The following SEMA3D variants were observed in gnomAD, a reference collection of about 807,000 sequenced individuals.
SEMA3D encodes semaphorin-3D.
A neutral mutation model predicts 100.1 loss-of-function variants in SEMA3D; 84 were observed. That is an observed-to-expected ratio of 0.84 (90% confidence interval 0.70 to 1.01). The LOEUF is 1.01. Among genes scored for constraint, SEMA3D ranks in the 50% least tolerant of loss-of-function variants. The pLI is 0.00. For synonymous variants in SEMA3D, 312 were observed against 320.7 expected, an observed-to-expected ratio of 0.97 and a Z score of 0.29; for missense variants, 875 against 934.1, an observed-to-expected ratio of 0.94 and a Z score of 0.82.
chr7:85,045,339 G>A (rs1406329287), intron 9 of SEMA3D, among the ~76,000 whole-genome samples: 8 of 151,994 alleles, frequency 5.3e-5, no homozygotes, highest in Admixed American at 5.3e-4. Context: ...GTGTCTGTAT[G>A]TTATTAAGTG....
the SEMA3D span, among the ~76,000 whole-genome samples, chr7:85,224,075 AG>A: frequency 5.3e-5 from 8 of 152,276 alleles, no homozygotes; most frequent in African/African-American, 1.9e-4. Context: ...AAATTATTTA[AG>A]GGTCAACAGT....
chr7:85,016,033 T>G (rs1790090692), intron 15 of SEMA3D, among the ~76,000 whole-genome samples: 1 of 151,704 alleles, frequency 6.6e-6, no homozygotes, highest in Non-Finnish European at 1.5e-5. Context: ...AATAACATAG[T>G]ACTCAACTTA....
chr7:85,072,793 G>A (rs1470217094), intron 6 of SEMA3D, among the ~76,000 whole-genome samples, 169 bp downstream of exon 6: 3 of 152,004 alleles, frequency 2.0e-5, no homozygotes, highest in South Asian at 2.1e-4. Flanking sequence ...TTGGCTCAAG[G>A]GACCCTCTGA....
chr7:85,199,311 T>C, the SEMA3D span, among the ~76,000 whole-genome samples: 100 of 136,494 alleles, frequency 7.3e-4, no homozygotes, highest in African/African-American at 2.5e-3. Context: ...TCTTTAACAT[T>C]ATCGTTATTA....
At chr7:85,242,314 A>G in the SEMA3D span, among the ~76,000 whole-genome samples, 1 of 152,128 alleles carries the variant, frequency 6.6e-6, no homozygotes, top group Non-Finnish European at 1.5e-5. Context: ...AGTGCTATAA[A>G]TTGTACTCTC....
rs552845890 is a variant in SEMA3D, at chr7:85,186,331, A to G, written c.-173+347T>C. On this transcript the variant is annotated intron_variant, in intron 1 of 18. Transcript: ENST00000284136. ...AGGAGGGGTGGTGGGGGAACCAGGAAGCCAGGGAGAGAGCAAAGTTCCTGG... is the reference window on the plus strand; with the variant it reads ...AGGAGGGGTGGTGGGGGAACCAGGAGGCCAGGGAGAGAGCAAAGTTCCTGG... Among the ~76,000 whole-genome samples the G allele has an allele frequency of 2.0e-5, 3 of 152,262 alleles. No individual in the cohort carries two copies. The East Asian group carries it at 5.8e-4, about 30-fold the overall frequency.
At chr7:85,213,840 T>C in the SEMA3D span, among the ~76,000 whole-genome samples, 1 of 152,196 alleles carries the variant, frequency 6.6e-6, no homozygotes, top group Non-Finnish European at 1.5e-5. Flanking sequence ...TGTGCATTAT[T>C]ATGCTAAATT....
intron 9 of SEMA3D, among the ~76,000 whole-genome samples, chr7:85,044,595 G>T (rs768691501): frequency 6.6e-5 from 10 of 152,042 alleles, no homozygotes; most frequent in Non-Finnish European, 1.3e-4. Context: ...TTTGCACTAT[G>T]TCTCACTGTT....
At chr7:85,105,179 T>C (rs750817475) in intron 3 of SEMA3D, among the ~76,000 whole-genome samples, 2 of 152,088 alleles carry the variant, frequency 1.3e-5, no homozygotes, top group Non-Finnish European at 2.9e-5. Flanking sequence ...TTTCTATTTC[T>C]GCCTTCCCCC....
At chr7:85,007,029 G>A in intron 17 of SEMA3D, 88 bp from the exon 18 acceptor site, 2 of 951,584 alleles carry the variant, frequency 2.1e-6, no homozygotes, top group East Asian at 2.6e-5. Flanking sequence ...AGATGCCATG[G>A]GGAAAGAATC....
chr7:85,184,587 C>A (rs757080027), intron 1 of SEMA3D, among the ~76,000 whole-genome samples: 4 of 152,046 alleles, frequency 2.6e-5, no homozygotes, highest in Non-Finnish European at 5.9e-5. Flanking sequence ...AAGTTCACAG[C>A]ACCTGAAACA....
chr7:85,075,668 G>A (rs1791902224), intron 5 of SEMA3D, among the ~76,000 whole-genome samples: 1 of 152,164 alleles, frequency 6.6e-6, no homozygotes, highest in South Asian at 2.1e-4. Context: ...TGTCAGTTGT[G>A]CTCAGTCAAA....
the SEMA3D span, among the ~76,000 whole-genome samples, chr7:85,245,705 T>G: frequency 1.3e-5 from 2 of 152,132 alleles, no homozygotes; most frequent in African/African-American, 4.8e-5. Context: ...ACATAGCATT[T>G]TTTTTCTTTC....
At chr7:85,037,271 G>A (rs965766544) in intron 11 of SEMA3D, among the ~76,000 whole-genome samples, 5 of 152,126 alleles carry the variant, frequency 3.3e-5, no homozygotes, top group Non-Finnish European at 7.4e-5. Context: ...ACATGCATGG[G>A]TACCCAGTAT....
At chr7:85,041,042 C>A (rs1584543920) in intron 10 of SEMA3D, 1 of 179,702 alleles carries the variant, frequency 5.6e-6, no homozygotes, top group East Asian at 1.6e-4. Flanking sequence ...ATAATTGTGT[C>A]AACTTAGTAA....
chr7:85,037,200 G>A (rs1790724692), intron 11 of SEMA3D, among the ~76,000 whole-genome samples, 167 bp from the exon 12 acceptor site: 1 of 152,202 alleles, frequency 6.6e-6, no homozygotes, highest in Non-Finnish European at 1.5e-5. Flanking sequence ...TTACAGCCAA[G>A]CAATTCTAAA....
At chr7:85,030,659 A>G (rs1439776914) in intron 12 of SEMA3D, among the ~76,000 whole-genome samples, 2 of 152,076 alleles carry the variant, frequency 1.3e-5, no homozygotes, top group Non-Finnish European at 2.9e-5. Context: ...TTGAGGAAAT[A>G]TTTACTAATA....
intron 1 of SEMA3D, among the ~76,000 whole-genome samples, chr7:85,178,836 G>T (rs534529837): frequency 2.0e-5 from 3 of 152,120 alleles, no homozygotes; most frequent in African/African-American, 2.4e-5. Context: ...GAAGAAAAAC[G>T]TTTCATGGGC....
chr7:85,176,216 G>A (rs1215274231), intron 1 of SEMA3D, among the ~76,000 whole-genome samples: 1 of 152,056 alleles, frequency 6.6e-6, no homozygotes, highest in Non-Finnish European at 1.5e-5. Flanking sequence ...GTCAAGACAA[G>A]ATCACTCCTT....
Sources: gnomAD v4.1 joint callset for allele counts (sites outside exome capture counted in the v4.1 genomes callset) on GRCh38, gnomAD v4.1.1 for gene constraint, MANE v1.5 for transcripts, NCBI Gene and HGNC (gene_info 2026-07-23, HGNC 2026-07-21) for gene names.